The following RBM33 variants were observed in gnomAD, a reference collection of about 807,000 sequenced individuals.
The protein encoded by RBM33 is RNA-binding protein 33.
RBM33 carries 28 observed loss-of-function variants against 132.6 expected under a neutral mutation model. The observed-to-expected ratio is 0.21, with a 90% CI of 0.16 to 0.29. The LOEUF is 0.29. Ranked by LOEUF, RBM33 falls within the 10% of genes least tolerant of loss-of-function variation. The pLI is 1.00. For missense variants in RBM33, 1,291 were observed against 1,518.5 expected, an observed-to-expected ratio of 0.85 and a Z score of 2.49; for synonymous variants, 634 against 593.0, an observed-to-expected ratio of 1.07 and a Z score of -1.01.
intron 9 of RBM33, among the ~76,000 whole-genome samples, chr7:155,732,348 A>G (rs988948201): frequency 6.6e-6 from 1 of 152,252 alleles, no homozygotes; most frequent in Non-Finnish European, 1.5e-5. Context: ...TTAAGTGGAA[A>G]TAGCCTCAGA....
chr7:155,706,126 G>A (rs1800105994), intron 6 of RBM33, among the ~76,000 whole-genome samples: 1 of 152,120 alleles, frequency 6.6e-6, no homozygotes, highest in Non-Finnish European at 1.5e-5. Flanking sequence ...AGCTCTACTG[G>A]CTTCAGTAAG....
chr7:155,681,482 GTTTTT>G (rs891062841), intron 5 of RBM33, among the ~76,000 whole-genome samples: 1 of 146,362 alleles, frequency 6.8e-6, no homozygotes, highest in Non-Finnish European at 1.5e-5. Flanking sequence ...TTGGTAGGTA[GTTTTT>G]TTTTTTCAAA....
At chr7:155,661,452 G>A (rs1188944521) in intron 1 of RBM33, among the ~76,000 whole-genome samples, 1 of 148,336 alleles carries the variant, frequency 6.7e-6, no homozygotes, top group African/African-American at 2.5e-5. Context: ...CTGTGGCCCA[G>A]GCTGGAGTGC....
In RBM33 at chr7:155,763,858, G is replaced by A. The variant is rs775912193; in HGVS notation, c.3026G>A (p.Arg1009Gln). 6.8e-6 allele frequency: 11 copies of A among 1,612,012 alleles called. No individual in the cohort carries two copies. Among genetic ancestry groups the A allele is most frequent in the South Asian group, 3.3e-5 (3 of 90,662 alleles). ...TTTCACCCAGAAGGCCAGCCCCAGC[G>A]GCTTCCCCAGCCTCCGGAAGTGGGA... is the stretch of plus-strand genomic sequence containing the variant. ...GFFHPEGQPQ[R>Q]LPQPPEVGPQ... Residue 1009 changes from arginine to glutamine, a missense_variant, in exon 15 of 18, where the codon CGG becomes CAG. Physicochemically the swap from Arg to Gln is conservative, Grantham distance 43. Coordinates refer to ENST00000401878, the MANE Select transcript of RBM33 (RefSeq NM_053043.3).
At chr7:155,761,239 A>G (rs984632831) in intron 14 of RBM33, among the ~76,000 whole-genome samples, 1 of 151,890 alleles carries the variant, frequency 6.6e-6, no homozygotes, top group African/African-American at 2.4e-5. Context: ...ATTTTTTTTC[A>G]TGTATGTTTA....
rs1029563968 is a variant in RBM33, at chr7:155,692,414, T to G, written c.568-8359T>G. Among the ~76,000 whole-genome samples, 3 of 152,176 alleles carry G rather than the reference T, an allele frequency of 2.0e-5. No individual in the cohort carries two copies. The South Asian group carries it at 6.2e-4, about 31-fold the overall frequency. On this transcript the variant is annotated intron_variant, in intron 5 of 17. Coordinates refer to ENST00000401878, the MANE Select transcript of RBM33 (RefSeq NM_053043.3). Reference sequence around the variant, plus strand: ...TGTTCCGGAATATCTTTTAGAGGATTCTGGTGTAGCAGACAGCTACAGATG... The same window carrying G: ...TGTTCCGGAATATCTTTTAGAGGATGCTGGTGTAGCAGACAGCTACAGATG...
rs764951369 is a variant in RBM33, at chr7:155,700,835, A to AGAT, written c.636_638dup (p.Asp212dup). ...AAGAAGAATCAGATGAAGAAGAAGA[A>AGAT]GATGATGAAGAATCTGGACGATTAC... On this transcript the variant is annotated inframe_insertion, in exon 6 of 18. Transcript: ENST00000401878. 1.9e-6 allele frequency: 3 copies of AGAT among 1,603,288 alleles called. No homozygotes were observed. In the Admixed American group the frequency reaches 5.1e-5, roughly 27 times the overall value.
Position 155,661,976 on chromosome 7 carries a change from A to C in RBM33, c.44-3199A>C, listed in dbSNP as rs543625485. On this transcript the variant is annotated intron_variant, in intron 1 of 17. Coordinates refer to ENST00000401878, the MANE Select transcript of RBM33 (RefSeq NM_053043.3). ...ACATTTTAGATAATATGTTGTAGCA[A>C]CTCTGGGTGCTGGTCTCCCTGTTCT... Among the ~76,000 whole-genome samples the C allele has an allele frequency of 1.4e-3, 214 of 151,928 alleles. 4 individuals are homozygous for C. Among genetic ancestry groups the C allele is most frequent in the African/African-American group, 4.9e-3 (204 of 41,382 alleles).
intron 1 of RBM33, among the ~76,000 whole-genome samples, chr7:155,648,906 G>A (rs1399400747): frequency 6.6e-6 from 1 of 152,166 alleles, no homozygotes; most frequent in African/African-American, 2.4e-5. Context: ...TACATGACAT[G>A]TCACTTCTCT....
intron 1 of RBM33, among the ~76,000 whole-genome samples, chr7:155,647,057 C>G (rs1303444209): frequency 6.6e-6 from 1 of 152,170 alleles, no homozygotes; most frequent in Non-Finnish European, 1.5e-5. Flanking sequence ...ATTGAGCTAT[C>G]GATAGCTTAT....
intron 9 of RBM33, among the ~76,000 whole-genome samples, chr7:155,719,681 T>C (rs1399121639): frequency 6.6e-6 from 1 of 152,236 alleles, no homozygotes; most frequent in African/African-American, 2.4e-5. Flanking sequence ...ATTTTAGTCA[T>C]TGAATACATT....
At chr7:155,674,912 T>A (rs1020404677) in intron 3 of RBM33, among the ~76,000 whole-genome samples, 1 of 152,236 alleles carries the variant, frequency 6.6e-6, no homozygotes, top group South Asian at 2.1e-4. Flanking sequence ...AATCAAGGCA[T>A]TGAAAATATA....
At chr7:155,709,738 A>T (rs548378488) in intron 7 of RBM33, among the ~76,000 whole-genome samples, 2 of 152,282 alleles carry the variant, frequency 1.3e-5, no homozygotes, top group South Asian at 4.1e-4. Flanking sequence ...GATAGACAAG[A>T]TCCCTACTCT....
chr7:155,673,940 G>GTTGTTGTTTGTTTTTTTTGTT, intron 3 of RBM33, among the ~76,000 whole-genome samples: 1 of 54,196 alleles, frequency 1.8e-5, no homozygotes, highest in East Asian at 6.8e-4. Flanking sequence ...TTTAGGCTTA[G>GTTGTTGTTTGTTTTTTTTGTT]TTTTTTTTTT....
At chr7:155,720,069 AG>A (rs1310494831) in intron 9 of RBM33, among the ~76,000 whole-genome samples, 27 of 152,240 alleles carry the variant, frequency 1.8e-4, no homozygotes, top group African/African-American at 6.5e-4. Flanking sequence ...TCAGTTATAT[AG>A]TACTCTAAGC....
chr7:155,648,074 A>G (rs1359998249), intron 1 of RBM33, among the ~76,000 whole-genome samples: 1 of 152,174 alleles, frequency 6.6e-6, no homozygotes, highest in Admixed American at 6.5e-5. Context: ...GGTGCTTGTA[A>G]ATTTTTTGTT....
Position 155,779,710 on chromosome 7 carries a change from C to T in RBM33, c.*4669C>T, listed in dbSNP as rs538778489. ...CTGGTAGCATATGGCTGGAAAAGGC[C>T]GTTTGCCTCACACATTGTAACCTGC... On this transcript the variant is annotated 3_prime_UTR_variant, in exon 18 of 18. Transcript: ENST00000401878. The T allele has an allele frequency of 3.9e-5, 6 of 152,250 alleles. No individual in the cohort carries two copies. The highest frequency in any genetic ancestry group is 7.2e-5 in the African/African-American group (3 of 41,548). The allele number at this position is 152,250 out of a possible 1,614,324, so 9.4% of individuals were successfully genotyped here. A position where few individuals can be genotyped will look rare whatever the true frequency, so the allele number is the denominator to read the frequency against.
At chr7:155,729,619 C>T (rs1452942110) in intron 9 of RBM33, among the ~76,000 whole-genome samples, 1 of 151,916 alleles carries the variant, frequency 6.6e-6, no homozygotes, top group African/African-American at 2.4e-5. Flanking sequence ...TGCCTGTAGT[C>T]CCGGGTTCTC....
At chr7:155,759,254 A>C (rs1801949021) in intron 14 of RBM33, among the ~76,000 whole-genome samples, 1 of 152,138 alleles carries the variant, frequency 6.6e-6, no homozygotes, top group East Asian at 1.9e-4. Flanking sequence ...TAAAAAATAA[A>C]CTTTCCTTCA....
Sources: gnomAD v4.1 joint callset for allele counts (sites outside exome capture counted in the v4.1 genomes callset) on GRCh38, gnomAD v4.1.1 for gene constraint, MANE v1.5 for transcripts, NCBI Gene and HGNC (gene_info 2026-07-23, HGNC 2026-07-21) for gene names.